The following NAXE variants were observed in gnomAD, a reference collection of about 807,000 sequenced individuals.
NAXE encodes NAD(P)HX epimerase, also known as NAD(P)H-hydrate epimerase.
In NAXE, 25 loss-of-function variants were observed where a neutral mutation model predicts 31.2. That is an observed-to-expected ratio of 0.80 (90% CI 0.58 to 1.12). NAXE has a LOEUF of 1.12. Ranked by LOEUF, NAXE falls within the 50% of genes most tolerant of loss-of-function variation. The pLI is 0.00. For missense variants in NAXE, 362 were observed against 376.1 expected, an observed-to-expected ratio of 0.96 and a Z score of 0.31; for synonymous variants, 144 against 154.5, an observed-to-expected ratio of 0.93 and a Z score of 0.50.
chr1:156,592,714 G>A, intron 4 of NAXE, 44 bp downstream of exon 4: 10 of 1,517,010 alleles, frequency 6.6e-6, no homozygotes, highest in Non-Finnish European at 9.1e-6. Flanking sequence ...AGTAACCACT[G>A]CCTGTGCTCT....
At chr1:156,593,369 A>G in intron 4 of NAXE, 39 bp from the exon 5 acceptor site, 1 of 1,593,762 alleles carries the variant, frequency 6.3e-7, no homozygotes, top group Non-Finnish European at 8.6e-7. Context: ...CTGTTTGTGC[A>G]GCTGCTGGCT....
At chr1:156,592,240 C>T (rs895153316) in intron 2 of NAXE, 31 bp downstream of exon 2, 1 of 1,611,656 alleles carries the variant, frequency 6.2e-7, no homozygotes, top group Non-Finnish European at 8.5e-7. Context: ...CCTTTGGGAG[C>T]AGCCAGGGAG....
intron 4 of NAXE, chr1:156,593,153 G>T: frequency 2.1e-6 from 1 of 473,806 alleles, no homozygotes; most frequent in South Asian, 4.0e-5. Context: ...CTCCTGACTC[G>T]TCTCAGGCTA....
rs1359763509 is a variant in NAXE at position 156,591,810 on chromosome 1, C to CAGGCTGCGGGCGCTGCT, written c.7_23dup (p.Leu10CysfsTer38). ...GCGCGCGCTCTGCGAGCTGGATGTC[C>CAGGCTGCGGGCGCTGCT]AGGCTGCGGGCGCTGCTGGGCCTCG... On this transcript the variant is annotated frameshift_variant, in exon 1 of 6. Transcript: ENST00000368235. LOFTEE classifies it high-confidence loss of function. 8 of 1,593,252 alleles carry CAGGCTGCGGGCGCTGCT rather than the reference C, an allele frequency of 5.0e-6. No homozygotes were observed. Among genetic ancestry groups the CAGGCTGCGGGCGCTGCT allele is most frequent in the Non-Finnish European group, 6.8e-6 (8 of 1,174,712 alleles).
chr1:156,592,240 C>A (rs895153316), intron 2 of NAXE, 31 bp downstream of exon 2: 1 of 1,611,774 alleles, frequency 6.2e-7, no homozygotes, highest in South Asian at 1.1e-5. Context: ...CCTTTGGGAG[C>A]AGCCAGGGAG....
intron 5 of NAXE, 113 bp from the exon 6 acceptor site, chr1:156,593,769 A>T: frequency 1.5e-6 from 2 of 1,364,980 alleles, no homozygotes; most frequent in Non-Finnish European, 2.0e-6. Flanking sequence ...GTTGGACGAG[A>T]GTTCCTCAGG....
intron 4 of NAXE, chr1:156,593,182 C>T (rs1571393817): frequency 1.9e-6 from 1 of 530,766 alleles, no homozygotes; most frequent in South Asian, 3.0e-5. Flanking sequence ...TGTAGCCTCC[C>T]CAGTGGTGGG....
chr1:156,594,046 C>A lies in NAXE; in HGVS notation c.829C>A (p.Pro277Thr). ...LEKKYQLNLP[P>T]YPDTECVYRL... is the part of the protein sequence containing the mutation. ...GAAGAAGTACCAGCTGAACCTGCCA[C>A]CCTACCCTGACACCGAGTGTGTCTA... Residue 277 changes from proline (P) to threonine (T), a missense_variant, in exon 6 of 6, where the codon CCC becomes ACC. Coordinates refer to ENST00000368235, the MANE Select transcript of NAXE (RefSeq NM_144772.3). The A allele has an allele frequency of 6.2e-7, 1 of 1,614,126 alleles. No homozygotes were observed. Among genetic ancestry groups the A allele is most frequent in the Non-Finnish European group, 8.5e-7 (1 of 1,179,986 alleles).
rs1269457222 is a variant in NAXE, at chr1:156,591,860, T to C, written c.56T>C (p.Val19Ala). 1 of 1,611,282 alleles carries C rather than the reference T, an allele frequency of 6.2e-7. No homozygotes were observed. Among genetic ancestry groups the C allele is most frequent in the Non-Finnish European group, 8.5e-7 (1 of 1,179,526 alleles). ...GLGLLVAGSR[V>A]PRIKSQTIAC... ...GGGCTGCTGGTTGCGGGCTCGCGCGTGCCGCGGATCAAAAGCCAGACCATC... is the reference window on the plus strand; with the variant it reads ...GGGCTGCTGGTTGCGGGCTCGCGCGCGCCGCGGATCAAAAGCCAGACCATC... Residue 19 changes from valine (V) to alanine (A), a missense_variant, in exon 1 of 6, where the codon GTG (valine) becomes GCG (alanine). Coordinates refer to ENST00000368235, the MANE Select transcript of NAXE (RefSeq NM_144772.3).
intron 2 of NAXE, 76 bp downstream of exon 2, chr1:156,592,285 A>T: frequency 6.2e-7 from 1 of 1,603,304 alleles, no homozygotes; most frequent in Admixed American, 1.7e-5. Context: ...CTAGGCACAA[A>T]GGGGTGGGAG....
rs1422496068 is a variant in NAXE at position 156,593,907 on chromosome 1, T to G, written c.690T>G (p.Ala230=). 6.2e-7 allele frequency: 1 copy of G among 1,614,170 alleles called. No homozygotes were observed. The highest frequency in any genetic ancestry group is 8.5e-7 in the Non-Finnish European group (1 of 1,180,022). ...GATGGGACGTGGAGAAGGGAAATGCTGGAGGGATCCAGCCAGACTTGCTCA... is the reference window on the plus strand; with the variant it reads ...GATGGGACGTGGAGAAGGGAAATGCGGGAGGGATCCAGCCAGACTTGCTCA... ...PSGWDVEKGN[A]GGIQPDLLIS... Residue 230 remains alanine, a synonymous_variant, in exon 6 of 6, where the codon GCT becomes GCG. Coordinates refer to ENST00000368235, the MANE Select transcript of NAXE (RefSeq NM_144772.3).
At chr1:156,592,946 C>G (rs1254615186) in intron 4 of NAXE, 6 of 487,102 alleles carry the variant, frequency 1.2e-5, no homozygotes, top group Admixed American at 3.7e-5. Flanking sequence ...ATGCAGTAAA[C>G]ACATGATCTA....
At chr1:156,592,772 G>A (rs536305368) in intron 4 of NAXE, 102 bp downstream of exon 4, 205 of 1,079,090 alleles carry the variant, frequency 1.9e-4, no homozygotes, top group East Asian at 2.4e-5. Flanking sequence ...TGCCTGGTAC[G>A]GAAGGTGCCT....
intron 4 of NAXE, chr1:156,592,927 TGCCCTA>T: frequency 1.9e-6 from 1 of 516,104 alleles, no homozygotes; most frequent in Non-Finnish European, 3.5e-6. Flanking sequence ...CAGATCCTCT[TGCCCTA>T]GCATGCAGTA....
chr1:156,593,325 T>A lies in NAXE; in HGVS notation c.517-83T>A, dbSNP rs1054214723. The A allele has an allele frequency of 2.0e-6, 3 of 1,511,836 alleles. No individual in the cohort carries two copies. In the African/African-American group the frequency reaches 4.1e-5, roughly 21 times the overall value. 93.7% of individuals were successfully genotyped at this position (1,511,836 alleles called of 1,614,324 possible). On this transcript the variant is annotated intron_variant, in intron 4 of 5. Coordinates refer to ENST00000368235, the MANE Select transcript of NAXE (RefSeq NM_144772.3). ...AATACTTGTGCCTCTGAGAATGGTC[T>A]GCAGGTGCAGAGGACAGCCCTCTCC...
At chr1:156,593,854 C>T in intron 5 of NAXE, 28 bp from the exon 6 acceptor site, 1 of 1,610,390 alleles carries the variant, frequency 6.2e-7, no homozygotes, top group Non-Finnish European at 8.5e-7. Context: ...GACATCTGGC[C>T]TCTTCCTGAA....
At position 156,594,035 on chromosome 1, in the gene NAXE, T is replaced by G. The variant is rs901008593; in HGVS notation, c.818T>G (p.Leu273Arg). The G allele has an allele frequency of 3.7e-6, 6 of 1,614,116 alleles. No homozygotes were observed. The highest frequency in any genetic ancestry group is 5.1e-6 in the Non-Finnish European group (6 of 1,179,968). ...VPPALEKKYQLNLPPYPDTEC... is the reference protein window; with the variant it reads ...VPPALEKKYQRNLPPYPDTEC... ...CCTGCTCTGGAGAAGAAGTACCAGCTGAACCTGCCACCCTACCCTGACACC... is the reference window on the plus strand; with the variant it reads ...CCTGCTCTGGAGAAGAAGTACCAGCGGAACCTGCCACCCTACCCTGACACC... Residue 273 changes from leucine to arginine, a missense_variant, in exon 6 of 6, where the codon CTG becomes CGG. Coordinates refer to ENST00000368235, the MANE Select transcript of NAXE (RefSeq NM_144772.3).
rs1415856565 is a variant in NAXE at position 156,593,712 on chromosome 1, CAT to C, written c.664+158_664+159del. 2.2e-6 allele frequency: 3 copies of C among 1,335,838 alleles called. No individual in the cohort carries two copies. The African/African-American group carries it at 4.4e-5, about 20-fold the overall frequency. The allele number at this position is 1,335,838 out of a possible 1,614,324, so 82.7% of individuals were successfully genotyped here. On this transcript the variant is annotated intron_variant, in intron 5 of 5. Transcript: ENST00000368235. ...GAACAGTGTTCAGAAGTCCCCTTTACATGTTGGCCCCATGAAGAGACCACGGC... is the reference window on the plus strand; with the variant it reads ...GAACAGTGTTCAGAAGTCCCCTTTACGTTGGCCCCATGAAGAGACCACGGC...
chr1:156,593,737 G>GT, intron 5 of NAXE, 145 bp from the exon 6 acceptor site: 1 of 1,309,780 alleles, frequency 7.6e-7, no homozygotes, highest in African/African-American at 1.5e-5. Flanking sequence ...AAGAGACCAC[G>GT]GCCCAAGGGT....
Sources: gnomAD v4.1 joint callset for allele counts on GRCh38, gnomAD v4.1.1 for gene constraint, MANE v1.5 for transcripts, NCBI Gene and HGNC (gene_info 2026-07-23, HGNC 2026-07-21) for gene names.